LRP1B: variants seen among roughly 807,000 people sequenced by gnomAD.
LRP1B encodes LDL receptor related protein 1B, also known as low-density lipoprotein receptor-related protein 1B.
Under a neutral mutation model 556.6 loss-of-function variants are expected in LRP1B, and 217 were observed. The observed-to-expected ratio is 0.39, with a 90% CI of 0.35 to 0.44. The LOEUF is 0.44. Ranked by LOEUF, LRP1B falls within the 20% of genes least tolerant of loss-of-function variation. LRP1B has a pLI of 1.00. For missense variants in LRP1B, 5,053 were observed against 5,620.8 expected (o/e 0.90, Z 3.23); for synonymous variants, 2,047 against 1,865.8 (o/e 1.10, Z -2.50).
At chr2:141,791,749 G>A (rs60119171) in intron 2 of LRP1B, among the ~76,000 whole-genome samples, 15,267 of 152,020 alleles carry the variant, frequency 0.1, 843 homozygotes, top group Middle Eastern at 0.22. Flanking sequence ...ACAACAATTT[G>A]CAACAGCCAC....
rs1170528875 is a variant in LRP1B at position 140,717,247 on chromosome 2, C to T, written c.5759-431G>A. ...ATACTACTAGGGAAAATCAACTCAA[C>T]AAAACCTCAAAGTAGAGAGAGGACA... is the stretch of plus-strand genomic sequence containing the variant. On this transcript the variant is annotated intron_variant, in intron 35 of 90. Transcript: ENST00000389484. Among the ~76,000 whole-genome samples, 5 of 152,130 alleles carry T rather than the reference C, an allele frequency of 3.3e-5. No individual in the cohort carries two copies. The East Asian group carries it at 9.7e-4, about 29-fold the overall frequency.
chr2:141,176,062 C>T (rs1680721644), intron 7 of LRP1B, among the ~76,000 whole-genome samples: 1 of 152,076 alleles, frequency 6.6e-6, no homozygotes, highest in Non-Finnish European at 1.5e-5. Context: ...TACCCAATGC[C>T]TGTACCTCCA....
chr2:141,166,089 C>A (rs1680241336), intron 7 of LRP1B, among the ~76,000 whole-genome samples: 1 of 151,902 alleles, frequency 6.6e-6, no homozygotes, highest in Non-Finnish European at 1.5e-5. Flanking sequence ...TTCCTTACCC[C>A]ACATACGCTA....
intron 1 of LRP1B, among the ~76,000 whole-genome samples, chr2:142,016,859 C>T (rs1389978410): frequency 2.0e-5 from 3 of 148,850 alleles, no homozygotes; most frequent in African/African-American, 7.4e-5. Context: ...TATATATATA[C>T]ACACACATAT....
chr2:140,238,308 A>G lies in LRP1B; in HGVS notation c.13416-12T>C. 1 of 1,395,484 alleles carries G rather than the reference A, an allele frequency of 7.2e-7. No homozygotes were observed. The highest frequency in any genetic ancestry group is 1.0e-6 in the Non-Finnish European group (1 of 994,262). The allele number at this position is 1,395,484 out of a possible 1,614,324, so 86.4% of individuals were successfully genotyped here. A position where few individuals can be genotyped will look rare whatever the true frequency, so the allele number is the denominator to read the frequency against. ...TAATTGTTTTTGTCCTAGAATATAT[A>G]AACATTAATATGTGTGAGTTTTGTA... On this transcript the variant is annotated splice_polypyrimidine_tract_variant and intron_variant, in intron 88 of 90. Coordinates refer to ENST00000389484, the MANE Select transcript of LRP1B (RefSeq NM_018557.3).
chr2:141,388,422 C>A (rs560532928), intron 3 of LRP1B, among the ~76,000 whole-genome samples: 2 of 151,816 alleles, frequency 1.3e-5, no homozygotes, highest in South Asian at 2.1e-4. Context: ...GGCGACAGTG[C>A]GAGACTTCTG....
chr2:140,997,651 A>T (rs988961875), intron 15 of LRP1B, among the ~76,000 whole-genome samples: 1 of 151,948 alleles, frequency 6.6e-6, no homozygotes, highest in African/African-American at 2.4e-5. Context: ...ATAAAATAAA[A>T]TGTCTTTCTA....
Position 140,637,926 on chromosome 2 carries a change from A to C in LRP1B, c.6800-36287T>G, listed in dbSNP as rs569047147. Among the ~76,000 whole-genome samples the C allele has an allele frequency of 2.0e-5, 3 of 152,322 alleles. No homozygotes were observed. In the South Asian group the frequency reaches 6.2e-4, roughly 32 times the overall value. On this transcript the variant is annotated intron_variant, in intron 41 of 90. Transcript: ENST00000389484. ...AACATTTAAATGAATCCTCAATCAT[A>C]CGTGATCAAGGTATTAGCACTGACT...
intron 32 of LRP1B, among the ~76,000 whole-genome samples, chr2:140,811,063 G>GT (rs903156661): frequency 1.3e-5 from 2 of 151,598 alleles, no homozygotes; most frequent in African/African-American, 4.8e-5. Context: ...TTTGTTTTTT[G>GT]TTTTTTTATT....
intron 35 of LRP1B, among the ~76,000 whole-genome samples, chr2:140,722,268 G>C (rs773915348): frequency 2.0e-5 from 3 of 152,128 alleles, no homozygotes; most frequent in Non-Finnish European, 2.9e-5. Flanking sequence ...ATTTCTGTCT[G>C]TTACAACTAA....
At chr2:141,309,863 G>T (rs1473659732) in intron 3 of LRP1B, among the ~76,000 whole-genome samples, 1 of 151,936 alleles carries the variant, frequency 6.6e-6, no homozygotes, top group Non-Finnish European at 1.5e-5. Context: ...ATTCAAAAAA[G>T]ACATCAATTG....
At chr2:141,041,823 A>G in intron 11 of LRP1B, among the ~76,000 whole-genome samples, 1 of 22,228 alleles carries the variant, frequency 4.5e-5, no homozygotes, top group Middle Eastern at 0.013. Flanking sequence ...TATATCATGT[A>G]TGTATGTACA....
chr2:140,510,146 C>A (rs2104918369), intron 51 of LRP1B, 90 bp from the exon 52 acceptor site: 1 of 1,411,920 alleles, frequency 7.1e-7, no homozygotes, highest in South Asian at 1.3e-5. Flanking sequence ...AGGGGGGAAG[C>A]AGAAGAATGT....
At chr2:140,978,052 T>C (rs1384389076) in intron 18 of LRP1B, among the ~76,000 whole-genome samples, 1 of 152,180 alleles carries the variant, frequency 6.6e-6, no homozygotes, top group Non-Finnish European at 1.5e-5. Context: ...GCATCACCAA[T>C]TTACAAATTC....
chr2:140,553,569 A>G (rs1680623802), intron 43 of LRP1B, among the ~76,000 whole-genome samples: 2 of 152,076 alleles, frequency 1.3e-5, no homozygotes, highest in African/African-American at 4.8e-5. Context: ...ATGATTGCCT[A>G]ATTTCTATTA....
intron 1 of LRP1B, among the ~76,000 whole-genome samples, chr2:141,883,937 A>T (rs1699032653): frequency 6.6e-6 from 1 of 152,316 alleles, no homozygotes; most frequent in South Asian, 2.1e-4. Context: ...GTATATGAAC[A>T]TGTAATTGTC....
At chr2:141,408,990 A>C (rs1324049876) in intron 3 of LRP1B, among the ~76,000 whole-genome samples, 1 of 152,132 alleles carries the variant, frequency 6.6e-6, no homozygotes, top group Non-Finnish European at 1.5e-5. Flanking sequence ...ATTTCTCTAC[A>C]TTGGCTTCTG....
intron 1 of LRP1B, among the ~76,000 whole-genome samples, chr2:141,850,944 T>C (rs554498333): frequency 3.3e-5 from 5 of 151,858 alleles, no homozygotes; most frequent in African/African-American, 1.2e-4. Context: ...CAGAAAAATA[T>C]ATAACTCCTT....
chr2:140,271,510 G>A (rs1467576680), intron 85 of LRP1B, among the ~76,000 whole-genome samples: 1 of 151,928 alleles, frequency 6.6e-6, no homozygotes, highest in Non-Finnish European at 1.5e-5. Context: ...TTCTGTGCAT[G>A]TTTATTTGAC....
Sources: gnomAD v4.1 joint callset for allele counts (sites outside exome capture counted in the v4.1 genomes callset) on GRCh38, gnomAD v4.1.1 for gene constraint, MANE v1.5 for transcripts, NCBI Gene and HGNC (gene_info 2026-07-23, HGNC 2026-07-21) for gene names.